The following CPLX2 variants were observed in gnomAD, a reference collection of about 807,000 sequenced individuals.
CPLX2 encodes the protein complexin 2, also known as complexin-2.
In CPLX2, 5 loss-of-function variants were observed where a neutral mutation model predicts 16.3. The ratio of observed to expected loss-of-function variants is 0.31; its 90% confidence interval spans 0.16 to 0.64. The LOEUF (loss-of-function observed/expected upper bound fraction) is 0.64, where lower values mean the gene tolerates loss of function less well. Among genes scored for constraint, CPLX2 ranks in the 30% least tolerant of loss-of-function variants. The probability of loss-of-function intolerance (pLI) is 0.79; values close to 1 mark genes in which losing one functional copy is unlikely to be tolerated. For synonymous variants in CPLX2, 89 were observed against 73.2 expected, an observed-to-expected ratio of 1.22 and a Z score of -1.10; for missense variants, 144 against 181.4, an observed-to-expected ratio of 0.79 and a Z score of 1.18.
At chr5:175,866,810 T>G (rs1759487501), upstream of CPLX2, among the ~76,000 whole-genome samples, 1 of 152,296 alleles carries the variant, frequency 6.6e-6, no homozygotes, top group East Asian at 1.9e-4. Flanking sequence ...GTATCATGGC[T>G]CCTGCCTGCA....
intron 2 of CPLX2, among the ~76,000 whole-genome samples, chr5:175,827,864 C>T (rs1292471683): frequency 6.6e-6 from 1 of 152,164 alleles, no homozygotes; most frequent in Non-Finnish European, 1.5e-5. Flanking sequence ...ATTCATAGAC[C>T]CATCTGCCTC....
At chr5:175,828,332 T>C (rs1446357651) in intron 2 of CPLX2, among the ~76,000 whole-genome samples, 5 of 152,298 alleles carry the variant, frequency 3.3e-5, no homozygotes, top group Non-Finnish European at 7.4e-5. Flanking sequence ...AATGATGGTC[T>C]GGACGAAAGA....
intron 2 of CPLX2, among the ~76,000 whole-genome samples, chr5:175,844,265 G>T (rs1214934558): frequency 6.6e-6 from 1 of 152,220 alleles, no homozygotes; most frequent in African/African-American, 2.4e-5. Context: ...GGAGACAGGG[G>T]CTCATTCCCA....
chr5:175,824,181 T>C (rs1758565177), intron 2 of CPLX2, among the ~76,000 whole-genome samples: 1 of 152,216 alleles, frequency 6.6e-6, no homozygotes, highest in South Asian at 2.1e-4. Context: ...GATTTGACTT[T>C]TTAAAGATTC....
At chr5:175,854,007 C>A (rs112783993) in intron 2 of CPLX2, among the ~76,000 whole-genome samples, 38 of 152,304 alleles carry the variant, frequency 2.5e-4, no homozygotes, top group African/African-American at 7.7e-4. Flanking sequence ...TCAAGCCTGG[C>A]ATCAGCCTGG....
At chr5:175,873,372 C>T (rs1372405647) in intron 1 of CPLX2, among the ~76,000 whole-genome samples, 2 of 151,926 alleles carry the variant, frequency 1.3e-5, no homozygotes, top group Admixed American at 1.3e-4. Flanking sequence ...CTCGTTGACA[C>T]GTTAAATTCA....
At chr5:175,831,354 C>T (rs969265927) in intron 2 of CPLX2, among the ~76,000 whole-genome samples, 3 of 152,094 alleles carry the variant, frequency 2.0e-5, no homozygotes, top group African/African-American at 7.2e-5. Context: ...GCCAGTCAGC[C>T]GCAGAGAGAA....
chr5:175,808,540 G>A (rs938636054), intron 1 of CPLX2, among the ~76,000 whole-genome samples: 9 of 152,132 alleles, frequency 5.9e-5, no homozygotes, highest in Non-Finnish European at 1.3e-4. Context: ...ATATAGCACT[G>A]AGTATATGAG....
chr5:175,830,183 A>C lies in CPLX2; in HGVS notation c.-89+21115A>C, dbSNP rs1214485248. On this transcript the variant is annotated intron_variant, in intron 2 of 4. Transcript: ENST00000359546. This position sits in a 1 kb window ranked among gnomAD's most constrained non-coding sequence, Gnocchi z 4.0. Reference sequence around the variant, plus strand: ...GGGCAGTGTGGGCAGAGGGACAGGCAGGGAGGGCACTGCCGCCACAGAGCT... The same window carrying C: ...GGGCAGTGTGGGCAGAGGGACAGGCCGGGAGGGCACTGCCGCCACAGAGCT... Among the ~76,000 whole-genome samples the C allele has an allele frequency of 6.6e-6, 1 of 152,244 alleles. No homozygotes were observed. Among genetic ancestry groups the C allele is most frequent in the Non-Finnish European group, 1.5e-5 (1 of 68,034 alleles).
chr5:175,879,683 G>T lies in CPLX2; in HGVS notation c.208-165G>T, dbSNP rs1254424303. ...TATGGTCTCTCCCACTGAGGACCAGGCACCATCCTACAGGGAAGACACCCT... is the reference window on the plus strand; with the variant it reads ...TATGGTCTCTCCCACTGAGGACCAGTCACCATCCTACAGGGAAGACACCCT... On this transcript the variant is annotated intron_variant, in intron 3 of 3. Coordinates refer to ENST00000393745, the MANE Select transcript of CPLX2 (RefSeq NM_001008220.2). 9 of 725,744 alleles carry T rather than the reference G, an allele frequency of 1.2e-5. No homozygotes were observed. In the African/African-American group the frequency reaches 1.6e-4, roughly 13 times the overall value. 45.0% of individuals were successfully genotyped at this position (725,744 alleles called of 1,614,324 possible).
rs554204367 is a variant in CPLX2, at chr5:175,878,903, C to T, written c.32-5C>T. 2.7e-4 allele frequency: 443 copies of T among 1,612,416 alleles called. 1 individual carries two copies. In the South Asian group the frequency reaches 4.3e-3, roughly 16 times the overall value. The stretch of plus-strand genomic sequence containing the variant: ...CGCCCTCTCCTTCCCACCCCTTCCT[C>T]GTAGGGGCCACAAAGGACATGGGGA... On this transcript the variant is annotated splice_region_variant and splice_polypyrimidine_tract_variant and intron_variant, in intron 2 of 3. Coordinates refer to ENST00000393745, the MANE Select transcript of CPLX2 (RefSeq NM_001008220.2).
rs1758712814 is a variant in CPLX2, at chr5:175,830,384, G to A, written c.-89+21316G>A. On this transcript the variant is annotated intron_variant, in intron 2 of 4. Transcript: ENST00000359546. This position sits in a 1 kb window ranked among gnomAD's most constrained non-coding sequence, Gnocchi z 4.0. ...TTGCCCAGGGTTACACAGCCAGGGA[G>A]CAGCAGAGCCCAGGTATGAACCATC... Among the ~76,000 whole-genome samples, 1 of 152,188 alleles carries A rather than the reference G, an allele frequency of 6.6e-6. No homozygotes were observed. The highest frequency in any genetic ancestry group is 1.5e-5 in the Non-Finnish European group (1 of 68,038).
intron 2 of CPLX2, among the ~76,000 whole-genome samples, chr5:175,864,860 A>C (rs1343519984): frequency 1.3e-5 from 2 of 152,116 alleles, no homozygotes; most frequent in African/African-American, 2.4e-5. Flanking sequence ...AGTTATACCT[A>C]AAAAAGAATA....
intron 2 of CPLX2, among the ~76,000 whole-genome samples, chr5:175,828,232 G>A (rs997061000): frequency 2.0e-5 from 3 of 152,254 alleles, no homozygotes; most frequent in East Asian, 1.9e-4. Context: ...CTGGAAATCC[G>A]GATCTGGGTC....
chr5:175,835,678 A>C (rs573383818), intron 2 of CPLX2, among the ~76,000 whole-genome samples: 1 of 151,230 alleles, frequency 6.6e-6, no homozygotes, highest in East Asian at 1.9e-4. Context: ...GTGAGTTAGT[A>C]AGAGAAGTCT....
At chr5:175,866,366 G>A (rs1360916899) in intron 2 of CPLX2, among the ~76,000 whole-genome samples, 1 of 152,188 alleles carries the variant, frequency 6.6e-6, no homozygotes, top group Non-Finnish European at 1.5e-5. Context: ...ATGAGAGTTG[G>A]AAAAAGAACC....
At position 175,830,572 on chromosome 5, in the gene CPLX2, C is replaced by T. The variant is rs1024922347; in HGVS notation, c.-89+21504C>T. Among the ~76,000 whole-genome samples the T allele has an allele frequency of 1.3e-5, 2 of 152,218 alleles. No individual in the cohort carries two copies. Among genetic ancestry groups the T allele is most frequent in the Admixed American group, 6.5e-5 (1 of 15,286 alleles). ...TTCCTCTTTGCCACAGGCCATGCGG[C>T]ACTAACAAGGACTCTGGTGGTCTCT... is the stretch of plus-strand genomic sequence containing the variant. On this transcript the variant is annotated intron_variant, in intron 2 of 4. Transcript: ENST00000359546. The surrounding 1 kb of genome is among the most constrained non-coding windows in gnomAD (Gnocchi z 4.0).
At chr5:175,875,422 A>T (rs1308597950) in intron 1 of CPLX2, among the ~76,000 whole-genome samples, 2 of 152,214 alleles carry the variant, frequency 1.3e-5, no homozygotes, top group Non-Finnish European at 2.9e-5. Context: ...CCACTCACTG[A>T]CATTAATTGT....
chr5:175,833,419 C>G (rs879560104), intron 2 of CPLX2, among the ~76,000 whole-genome samples: 4 of 152,008 alleles, frequency 2.6e-5, no homozygotes, highest in Non-Finnish European at 4.4e-5. Context: ...CTAGGGTGCT[C>G]AAGTCTGTAA....
Sources: allele counts gnomAD v4.1 joint callset (sites outside exome capture counted in the v4.1 genomes callset), GRCh38; gene constraint gnomAD v4.1.1; non-coding constraint Gnocchi (gnomAD v3.1); transcripts MANE v1.5; gene names NCBI Gene and HGNC (gene_info 2026-07-23, HGNC 2026-07-21).